The following TAFA1 variants were observed in gnomAD, a reference collection of about 807,000 sequenced individuals.
TAFA1 encodes the protein TAFA chemokine like family member 1.
A neutral mutation model predicts 18.5 loss-of-function variants in TAFA1; 4 were observed. The ratio of observed to expected loss-of-function variants is 0.22; its 90% CI spans 0.11 to 0.49. The LOEUF (loss-of-function observed/expected upper bound fraction) is 0.49, where lower values mean the gene tolerates loss of function less well. TAFA1 is among the 20% of genes least tolerant of loss of function. TAFA1 has a pLI of 0.98. For synonymous variants in TAFA1, 56 were observed against 55.2 expected (o/e 1.01, Z -0.06); for missense variants, 147 against 169.0 (o/e 0.87, Z 0.72).
intron 3 of TAFA1, among the ~76,000 whole-genome samples, chr3:68,534,252 G>C (rs1394744817): frequency 6.6e-6 from 1 of 152,168 alleles, no homozygotes; most frequent in Non-Finnish European, 1.5e-5. Flanking sequence ...GCTGCTACCT[G>C]AGAAGTTTCA....
chr3:68,101,882 A>C (rs1358317255), intron 2 of TAFA1, among the ~76,000 whole-genome samples: 1 of 152,096 alleles, frequency 6.6e-6, no homozygotes, highest in Non-Finnish European at 1.5e-5. Flanking sequence ...GTTACTCCTT[A>C]AGCATATTTT....
chr3:68,418,865 T>C (rs1355819736), intron 3 of TAFA1, among the ~76,000 whole-genome samples: 1 of 152,192 alleles, frequency 6.6e-6, no homozygotes, highest in Admixed American at 6.5e-5. Context: ...TATTGTGATA[T>C]AACAAATCCC....
chr3:68,386,086 C>T (rs1343425939), intron 2 of TAFA1, among the ~76,000 whole-genome samples: 1 of 152,116 alleles, frequency 6.6e-6, no homozygotes, highest in Admixed American at 6.6e-5. Context: ...CTATCTGGCC[C>T]TTCACAGAAA....
chr3:68,275,614 C>G (rs1186984163), intron 2 of TAFA1, among the ~76,000 whole-genome samples: 1 of 150,850 alleles, frequency 6.6e-6, no homozygotes, highest in African/African-American at 2.4e-5. Flanking sequence ...TGGGATAGAG[C>G]AAGTTTAGAG....
intron 2 of TAFA1, among the ~76,000 whole-genome samples, chr3:68,161,309 C>A (rs966965346): frequency 5.9e-5 from 9 of 152,182 alleles, no homozygotes; most frequent in Non-Finnish European, 1.2e-4. Flanking sequence ...GTGTACTTAA[C>A]CTCCATTTCT....
intron 2 of TAFA1, among the ~76,000 whole-genome samples, chr3:68,154,704 T>C (rs2065846297): frequency 6.6e-6 from 1 of 152,212 alleles, no homozygotes; most frequent in African/African-American, 2.4e-5. Flanking sequence ...TGACTTTCCC[T>C]GTTCTGGGGG....
chr3:68,360,959 T>C (rs779782889), intron 2 of TAFA1, among the ~76,000 whole-genome samples: 2 of 152,052 alleles, frequency 1.3e-5, no homozygotes, highest in Non-Finnish European at 2.9e-5. Flanking sequence ...TTCGGTCTTC[T>C]GTTTTGACGA....
intron 2 of TAFA1, among the ~76,000 whole-genome samples, chr3:68,246,521 C>T (rs2067081154): frequency 7.5e-6 from 1 of 133,478 alleles, no homozygotes; most frequent in Non-Finnish European, 1.6e-5. Context: ...ACCCGGGAGG[C>T]GGAGCTTGCA....
intron 2 of TAFA1, among the ~76,000 whole-genome samples, chr3:68,221,920 A>G (rs568318310): frequency 7.2e-5 from 11 of 152,174 alleles, no homozygotes; most frequent in Non-Finnish European, 1.5e-4. Context: ...TCCATGGTGT[A>G]TTTGTTGAAC....
At chr3:68,498,722 C>CTTTTTTGTTTTTTTTTT (rs2072598841) in intron 3 of TAFA1, among the ~76,000 whole-genome samples, 1 of 97,028 alleles carries the variant, frequency 1.0e-5, no homozygotes, top group African/African-American at 4.8e-5. Context: ...CGTTTGGTGG[C>CTTTTTTGTTTTTTTTTT]TTTTTTTTTT....
chr3:68,071,539 A>G (rs578120992), intron 2 of TAFA1, among the ~76,000 whole-genome samples: 1 of 152,276 alleles, frequency 6.6e-6, no homozygotes, highest in East Asian at 1.9e-4. Flanking sequence ...GGTGTGGTAT[A>G]GGAATTTGAA....
At chr3:68,262,420 C>A (rs2107201294) in intron 2 of TAFA1, among the ~76,000 whole-genome samples, 1 of 144,778 alleles carries the variant, frequency 6.9e-6, no homozygotes, top group Non-Finnish European at 1.5e-5. Flanking sequence ...AGTTTTTCAA[C>A]CCATGCCTCC....
At chr3:68,063,986 A>T (rs377602801) in intron 2 of TAFA1, among the ~76,000 whole-genome samples, 3 of 152,202 alleles carry the variant, frequency 2.0e-5, no homozygotes, top group African/African-American at 7.2e-5. Flanking sequence ...TACCTTTCCA[A>T]TGTGAGTTTC....
chr3:68,405,981 C>G lies in TAFA1; in HGVS notation c.119-11299C>G, dbSNP rs1423039051. On this transcript the variant is annotated intron_variant, in intron 2 of 4. Transcript: ENST00000478136. ...TTATTTATAGTATACCTACTATGTG[C>G]TGCTCGATTTATTAATTACTTTTCA... is the stretch of plus-strand genomic sequence containing the variant. 2.0e-5 allele frequency among the ~76,000 whole-genome samples: 3 copies of G among 151,948 alleles called. No homozygotes were observed. In the East Asian group the frequency reaches 5.8e-4, roughly 29 times the overall value.
chr3:68,061,882 G>C (rs1559721868), intron 2 of TAFA1, among the ~76,000 whole-genome samples: 1 of 152,078 alleles, frequency 6.6e-6, no homozygotes, highest in Non-Finnish European at 1.5e-5. Flanking sequence ...CTCTTTTTGT[G>C]TGCCCTGAAT....
chr3:68,476,569 C>T (rs948423030), intron 3 of TAFA1, among the ~76,000 whole-genome samples: 12 of 152,084 alleles, frequency 7.9e-5, no homozygotes, highest in Admixed American at 7.2e-4. Flanking sequence ...ATTAAAGAAG[C>T]CTAATAATTG....
At chr3:68,378,309 G>A (rs2069860618) in intron 2 of TAFA1, among the ~76,000 whole-genome samples, 1 of 152,184 alleles carries the variant, frequency 6.6e-6, no homozygotes, top group African/African-American at 2.4e-5. Context: ...GGAGTCAAAG[G>A]AGATGATTTT....
chr3:68,215,028 C>A lies in TAFA1; in HGVS notation c.119-202252C>A, dbSNP rs141216382. On this transcript the variant is annotated intron_variant, in intron 2 of 4. Coordinates refer to ENST00000478136, the MANE Select transcript of TAFA1 (RefSeq NM_213609.4). ...AGATTTCTGCATTATTTAATCATAT[C>A]AATATAAAGCTCCATAAAACTACTT... Among the ~76,000 whole-genome samples the A allele has an allele frequency of 4.3e-3, 647 of 152,020 alleles. 6 individuals carry two copies. Among genetic ancestry groups the A allele is most frequent in the Non-Finnish European group, 7.1e-3 (485 of 67,930 alleles).
At position 68,323,251 on chromosome 3, in the gene TAFA1, G is replaced by A. The variant is rs147772722; in HGVS notation, c.119-94029G>A. ...ACCTCCTCCAGCTGAAATGAATCAGGATTTATGCAGCCACCTGTACAATAC... is the reference window on the plus strand; with the variant it reads ...ACCTCCTCCAGCTGAAATGAATCAGAATTTATGCAGCCACCTGTACAATAC... On this transcript the variant is annotated intron_variant, in intron 2 of 4. Transcript: ENST00000478136. Among the ~76,000 whole-genome samples the A allele has an allele frequency of 9.1e-4, 138 of 152,194 alleles. No individual in the cohort carries two copies. The East Asian group carries it at 0.026, about 29-fold the overall frequency.
Sources: gnomAD v4.1 joint callset for allele counts (sites outside exome capture counted in the v4.1 genomes callset) on GRCh38, gnomAD v4.1.1 for gene constraint, MANE v1.5 for transcripts, NCBI Gene and HGNC (gene_info 2026-07-23, HGNC 2026-07-21) for gene names.